The following RBFOX1 variants were observed in gnomAD, a reference collection of about 807,000 sequenced individuals.
RBFOX1 encodes RNA binding protein fox-1 homolog 1.
In RBFOX1, 8 loss-of-function variants were observed where a neutral mutation model predicts 57.7. The ratio of observed to expected loss-of-function variants is 0.14; its 90% CI spans 0.08 to 0.25. RBFOX1 has a LOEUF of 0.25. Among genes scored for constraint, RBFOX1 ranks in the 10% least tolerant of loss-of-function variants. RBFOX1 has a pLI of 1.00. For missense variants in RBFOX1, 611 were observed against 548.5 expected (o/e 1.11, Z -1.14); for synonymous variants, 326 against 222.4 (o/e 1.47, Z -4.15).
At chr16:7,421,753 G>A (rs772948329) in intron 4 of RBFOX1, among the ~76,000 whole-genome samples, 6 of 152,198 alleles carry the variant, frequency 3.9e-5, no homozygotes, top group Non-Finnish European at 8.8e-5. Context: ...TTGGTTCTGC[G>A]TTTCTGTACC....
chr16:6,559,505 A>G (rs1172274929), intron 2 of RBFOX1, among the ~76,000 whole-genome samples: 1 of 152,092 alleles, frequency 6.6e-6, no homozygotes, highest in African/African-American at 2.4e-5. Context: ...AGAAAACATG[A>G]ATTTCATGTT....
At chr16:5,502,828 G>A (rs989319061) in intron 2 of RBFOX1, among the ~76,000 whole-genome samples, 1 of 152,110 alleles carries the variant, frequency 6.6e-6, no homozygotes, top group East Asian at 1.9e-4. Flanking sequence ...GCGTCTCAGG[G>A]GACCCTGAGA....
intron 2 of RBFOX1, among the ~76,000 whole-genome samples, chr16:6,469,368 A>C (rs2095122645): frequency 6.6e-6 from 1 of 152,114 alleles, no homozygotes; most frequent in Non-Finnish European, 1.5e-5. Context: ...TCTCCAGTTG[A>C]AGCCTACCCT....
intron 4 of RBFOX1, among the ~76,000 whole-genome samples, chr16:6,012,746 C>G (rs973570191): frequency 6.6e-6 from 1 of 152,160 alleles, no homozygotes; most frequent in African/African-American, 2.4e-5. Context: ...TTCTTCCCTG[C>G]CCTGCCATCT....
intron 2 of RBFOX1, among the ~76,000 whole-genome samples, chr16:5,578,319 G>C (rs1359166093): frequency 6.6e-6 from 1 of 152,084 alleles, no homozygotes; most frequent in African/African-American, 2.4e-5. Context: ...TTGGCATCTG[G>C]TCTTTCTGGC....
intron 2 of RBFOX1, among the ~76,000 whole-genome samples, chr16:6,613,062 G>C (rs1300251429): frequency 6.7e-6 from 1 of 149,990 alleles, no homozygotes; most frequent in Non-Finnish European, 1.5e-5. Context: ...TGTGTGTTTT[G>C]GAATTCACAG....
At chr16:5,254,390 G>A (rs956556976) in intron 1 of RBFOX1, among the ~76,000 whole-genome samples, 7 of 152,128 alleles carry the variant, frequency 4.6e-5, no homozygotes, top group Admixed American at 3.9e-4. Flanking sequence ...TTGTCTGTGG[G>A]CCTTCTTACT....
intron 1 of RBFOX1, among the ~76,000 whole-genome samples, chr16:6,166,886 G>A (rs578058029): frequency 3.3e-4 from 50 of 152,104 alleles, no homozygotes; most frequent in African/African-American, 9.9e-4. Context: ...CAATTCTTCC[G>A]CCTCAGCCTC....
chr16:6,831,598 A>G (rs1284703025), intron 3 of RBFOX1, among the ~76,000 whole-genome samples: 2 of 152,234 alleles, frequency 1.3e-5, no homozygotes, highest in Non-Finnish European at 2.9e-5. Flanking sequence ...AATATTTTCA[A>G]CAAGAGCCAG....
Position 5,853,924 on chromosome 16 carries a change from C to T in RBFOX1, c.319-13379C>T, listed in dbSNP as rs74327596. On this transcript the variant is annotated intron_variant, in intron 3 of 19. Transcript: ENST00000641259. ...GCAGGCATGTGCCACTGCACCCAGC[C>T]AAATTCTGGCTTAAAATGGTATGAT... Among the ~76,000 whole-genome samples the T allele has an allele frequency of 1.9e-3, 282 of 152,288 alleles. 1 individual carries two copies. Among genetic ancestry groups the T allele is most frequent in the African/African-American group, 6.5e-3 (272 of 41,564 alleles).
chr16:5,884,923 A>T (rs564363468), intron 4 of RBFOX1, among the ~76,000 whole-genome samples: 1 of 152,004 alleles, frequency 6.6e-6, no homozygotes, highest in South Asian at 2.1e-4. Context: ...ATCTCTTTAG[A>T]CTCTCCTGGA....
chr16:7,095,858 A>G lies in RBFOX1; in HGVS notation c.27+43760A>G, dbSNP rs182957221. ...AAACACCTTCTGTACTAAAAATACA[A>G]AAAAATTAGCCAGGCGTGGTGGCGG... is the stretch of plus-strand genomic sequence containing the variant. On this transcript the variant is annotated intron_variant, in intron 4 of 15. Transcript: ENST00000550418. 2.0e-4 allele frequency among the ~76,000 whole-genome samples: 30 copies of G among 151,928 alleles called. No homozygotes were observed. In the East Asian group the frequency reaches 5.1e-3, roughly 26 times the overall value.
intron 1 of RBFOX1, among the ~76,000 whole-genome samples, chr16:6,252,242 C>T (rs934618110): frequency 2.6e-5 from 4 of 152,114 alleles, no homozygotes; most frequent in African/African-American, 4.8e-5. Context: ...TCTCTCAATA[C>T]GCCCCCACCC....
chr16:6,772,508 G>C (rs1340531881), intron 3 of RBFOX1, among the ~76,000 whole-genome samples: 1 of 151,016 alleles, frequency 6.6e-6, no homozygotes, highest in Admixed American at 6.6e-5. Context: ...GTTTGTGTTT[G>C]TATGTATATG....
intron 4 of RBFOX1, among the ~76,000 whole-genome samples, chr16:7,458,642 C>G (rs557599991): frequency 3.3e-5 from 5 of 152,196 alleles, no homozygotes; most frequent in African/African-American, 1.2e-4. Context: ...CCCTTAAGGT[C>G]TTTTTGACCA....
chr16:5,604,696 C>T (rs938879647), downstream of RBFOX1, among the ~76,000 whole-genome samples: 2 of 152,088 alleles, frequency 1.3e-5, no homozygotes, highest in Non-Finnish European at 2.9e-5. Context: ...TGATACAGTC[C>T]CGAGATGAGT....
intron 2 of RBFOX1, among the ~76,000 whole-genome samples, chr16:6,404,975 C>G (rs1427680981): frequency 6.6e-6 from 1 of 152,134 alleles, no homozygotes; most frequent in East Asian, 1.9e-4. Flanking sequence ...CCCAAATATC[C>G]TTTTAGAACT....
In RBFOX1 at chr16:5,768,540, C is replaced by T. The variant is rs1469882341; in HGVS notation, c.319-98763C>T. ...CAGAATACCATTTTTCCAGTGTTTT[C>T]GGCCCACATGACATACCAGCGTGGA... is the stretch of plus-strand genomic sequence containing the variant. On this transcript the variant is annotated intron_variant, in intron 3 of 19. Coordinates refer to the RBFOX1 transcript ENST00000641259. Among the ~76,000 whole-genome samples the T allele has an allele frequency of 4.6e-5, 7 of 152,262 alleles. No individual in the cohort carries two copies. In the East Asian group the frequency reaches 7.7e-4, roughly 17 times the overall value.
At chr16:7,182,364 AG>A (rs1347206276) in intron 4 of RBFOX1, among the ~76,000 whole-genome samples, 1 of 152,138 alleles carries the variant, frequency 6.6e-6, no homozygotes, top group Non-Finnish European at 1.5e-5. Flanking sequence ...TTCTTCCTGA[AG>A]CCCCCTCTCT....
Sources: gnomAD v4.1 joint callset for allele counts (sites outside exome capture counted in the v4.1 genomes callset) on GRCh38, gnomAD v4.1.1 for gene constraint, MANE v1.5 for transcripts, NCBI Gene and HGNC (gene_info 2026-07-23, HGNC 2026-07-21) for gene names.